KCNH8: variants seen among roughly 807,000 people sequenced by gnomAD.
The protein encoded by KCNH8 is voltage-gated delayed rectifier potassium channel KCNH8.
KCNH8 carries 70 observed loss-of-function variants against 103.6 expected under a neutral mutation model. The ratio of observed to expected loss-of-function variants is 0.68; its 90% CI spans 0.56 to 0.82. KCNH8 has a LOEUF of 0.82. KCNH8 is among the 40% of genes least tolerant of loss of function. The pLI, the probability that KCNH8 is intolerant of heterozygous loss-of-function variation, is 0.00. For missense variants in KCNH8, 1,217 were observed against 1,329.9 expected (o/e 0.92, Z 1.32); for synonymous variants, 498 against 489.4 (o/e 1.02, Z -0.23).
chr3:19,223,450 A>C (rs1455260088), intron 1 of KCNH8, among the ~76,000 whole-genome samples: 1 of 152,134 alleles, frequency 6.6e-6, no homozygotes, highest in South Asian at 2.1e-4. Flanking sequence ...GACATATTAC[A>C]TATTTTTTTA....
intron 7 of KCNH8, among the ~76,000 whole-genome samples, chr3:19,408,559 AT>A (rs1249799595): frequency 6.6e-6 from 1 of 152,138 alleles, no homozygotes; most frequent in Non-Finnish European, 1.5e-5. Context: ...CAAAGTATGG[AT>A]TGCAAGGAAG....
intron 1 of KCNH8, among the ~76,000 whole-genome samples, chr3:19,169,287 C>G (rs1385336119): frequency 3.8e-5 from 5 of 131,790 alleles, no homozygotes; most frequent in Non-Finnish European, 7.7e-5. Flanking sequence ...GAGACGGAGT[C>G]TCGCTCTTTC....
At chr3:19,198,526 G>A (rs2063624886) in intron 1 of KCNH8, among the ~76,000 whole-genome samples, 2 of 152,076 alleles carry the variant, frequency 1.3e-5, no homozygotes, top group Non-Finnish European at 1.5e-5. Flanking sequence ...TAGAGAATGT[G>A]TGCAGATTTG....
chr3:19,512,999 C>G lies in KCNH8; in HGVS notation c.2109C>G (p.Asn703Lys), dbSNP rs758830714. ...AGCCCAAGGGAAATGGCAACATCAA[C>G]AAGCGACTCCCATCCATTGTGGAAG... ...QSEPKGNGNI[N>K]KRLPSIVEDE... Residue 703 changes from asparagine to lysine, a missense_variant, in exon 13 of 16, where the codon AAC becomes AAG. By Grantham distance (94) the Asn-to-Lys change is moderately conservative (BLOSUM62 0). Transcript: ENST00000328405. The G allele has an allele frequency of 6.2e-7, 1 of 1,613,476 alleles. No homozygotes were observed. The highest frequency in any genetic ancestry group is 8.5e-7 in the Non-Finnish European group (1 of 1,179,734).
chr3:19,418,811 T>C (rs553321455), intron 7 of KCNH8, among the ~76,000 whole-genome samples: 1 of 152,306 alleles, frequency 6.6e-6, no homozygotes, highest in South Asian at 2.1e-4. Context: ...TGTCAAACAG[T>C]TTTCATCCAG....
chr3:19,190,516 T>C (rs1166600251), intron 1 of KCNH8, among the ~76,000 whole-genome samples: 2 of 152,040 alleles, frequency 1.3e-5, no homozygotes, highest in African/African-American at 4.8e-5. Flanking sequence ...TGATGAGTTA[T>C]AAGGAATAAA....
intron 15 of KCNH8, among the ~76,000 whole-genome samples, chr3:19,519,573 TG>T (rs1403640247): frequency 1.4e-5 from 2 of 147,568 alleles, no homozygotes; most frequent in Non-Finnish European, 3.0e-5. Flanking sequence ...GAATACTAGA[TG>T]GTCCACTAAC....
At chr3:19,378,211 C>G (rs575030173) in intron 5 of KCNH8, among the ~76,000 whole-genome samples, 3 of 152,240 alleles carry the variant, frequency 2.0e-5, no homozygotes, top group East Asian at 3.9e-4. Context: ...ATGGGCAAAC[C>G]ATAAAATTTG....
At chr3:19,408,865 T>G (rs2066733784) in intron 7 of KCNH8, among the ~76,000 whole-genome samples, 1 of 152,052 alleles carries the variant, frequency 6.6e-6, no homozygotes, top group African/African-American at 2.4e-5. Context: ...AAATATGAGC[T>G]TATGTAAACT....
intron 7 of KCNH8, among the ~76,000 whole-genome samples, chr3:19,412,606 C>T (rs896296433): frequency 4.6e-5 from 7 of 151,626 alleles, no homozygotes; most frequent in African/African-American, 9.7e-5. Context: ...GACAACCTAC[C>T]GAATGGGAGA....
chr3:19,193,525 T>G (rs1400980675), intron 1 of KCNH8, among the ~76,000 whole-genome samples: 1 of 151,694 alleles, frequency 6.6e-6, no homozygotes, highest in Non-Finnish European at 1.5e-5. Context: ...TTACCTCATA[T>G]CTTGACCTTT....
chr3:19,376,332 G>T (rs1170519225), intron 5 of KCNH8, among the ~76,000 whole-genome samples: 1 of 152,218 alleles, frequency 6.6e-6, no homozygotes, highest in Non-Finnish European at 1.5e-5. Context: ...TCGGAAAAGC[G>T]CAGTATTCGG....
intron 15 of KCNH8, among the ~76,000 whole-genome samples, chr3:19,532,971 G>A (rs545318685): frequency 3.3e-4 from 50 of 152,054 alleles, no homozygotes; most frequent in South Asian, 6.2e-4. Context: ...TTGGGAGGCC[G>A]AGGAGGGCGG....
intron 11 of KCNH8, among the ~76,000 whole-genome samples, chr3:19,505,465 T>TA (rs932985460): frequency 1.2e-3 from 190 of 152,212 alleles, no homozygotes; most frequent in African/African-American, 3.5e-3. Context: ...AAGTTTTTTT[T>TA]AAAAAAGAAT....
chr3:19,533,568 C>T lies in KCNH8; in HGVS notation c.2793C>T (p.His931=), dbSNP rs755842568. Residue 931 remains histidine (H), a synonymous_variant, in exon 16 of 16, where the codon CAC becomes CAT. Coordinates refer to ENST00000328405, the MANE Select transcript of KCNH8 (RefSeq NM_144633.3). ...AGACCAGAACGAGCTGGAGTGCACA[C>T]CAGCCTTGCCTACACTTGCAAACAG... ...SLQTRTSWSA[H]QPCLHLQTGG... is the part of the protein sequence containing the mutation. 23 of 1,614,068 alleles carry T rather than the reference C, an allele frequency of 1.4e-5. No individual in the cohort carries two copies. The highest frequency in any genetic ancestry group is 1.8e-5 in the Non-Finnish European group (21 of 1,180,040).
At chr3:19,232,978 TTAG>T (rs1387757868) in intron 1 of KCNH8, among the ~76,000 whole-genome samples, 2 of 152,098 alleles carry the variant, frequency 1.3e-5, no homozygotes, top group Non-Finnish European at 2.9e-5. Flanking sequence ...AAGTCCCCTA[TTAG>T]TAGTGCTTGG....
intron 3 of KCNH8, among the ~76,000 whole-genome samples, chr3:19,297,985 G>C (rs970664522): frequency 1.3e-5 from 2 of 152,162 alleles, no homozygotes; most frequent in African/African-American, 2.4e-5. Flanking sequence ...TCTTTTGCTG[G>C]TGTTTTTTGG....
chr3:19,433,003 G>T (rs941727716), intron 7 of KCNH8, among the ~76,000 whole-genome samples: 4 of 151,450 alleles, frequency 2.6e-5, no homozygotes, highest in African/African-American at 9.7e-5. Flanking sequence ...CTTGTCTTTT[G>T]TTTTTTTTGG....
At chr3:19,353,183 GGAA>G (rs1181906763) in intron 5 of KCNH8, among the ~76,000 whole-genome samples, 1 of 152,058 alleles carries the variant, frequency 6.6e-6, no homozygotes, top group Non-Finnish European at 1.5e-5. Flanking sequence ...GGCTAAACCA[GGAA>G]GAAGTTGAAT....
Sources: allele counts gnomAD v4.1 joint callset (sites outside exome capture counted in the v4.1 genomes callset), GRCh38; gene constraint gnomAD v4.1.1; transcripts MANE v1.5; gene names NCBI Gene and HGNC (gene_info 2026-07-23, HGNC 2026-07-21).